The following RAD1 variants were observed in gnomAD, a reference collection of about 807,000 sequenced individuals.
RAD1 encodes the protein RAD1 checkpoint DNA exonuclease.
A neutral mutation model predicts 30.0 loss-of-function variants in RAD1; 21 were observed. That is an observed-to-expected ratio of 0.70 (90% CI 0.50 to 1.01). RAD1 has a LOEUF of 1.01. RAD1 is among the 50% of genes least tolerant of loss of function. RAD1 has a pLI of 0.00. For synonymous variants in RAD1, 109 were observed against 113.6 expected, an observed-to-expected ratio of 0.96 and a Z score of 0.26; for missense variants, 329 against 329.0, an observed-to-expected ratio of 1.00 and a Z score of 0.00.
In RAD1 at chr5:34,913,634, T is replaced by C. The variant is rs574959316; in HGVS notation, c.199-56A>G. ...CATAAAAGAATAAAAACTAATAATATAAGGTCCTAGATTTCACTTTATACG... is the reference window on the plus strand; with the variant it reads ...CATAAAAGAATAAAAACTAATAATACAAGGTCCTAGATTTCACTTTATACG... On this transcript the variant is annotated intron_variant, in intron 2 of 5. Transcript: ENST00000382038. The C allele has an allele frequency of 4.7e-6, 5 of 1,060,324 alleles. No individual in the cohort carries two copies. In the East Asian group the frequency reaches 9.9e-5, roughly 21 times the overall value. The allele number at this position is 1,060,324 out of a possible 1,614,324, so 65.7% of individuals were successfully genotyped here. A position where few individuals can be genotyped will look rare whatever the true frequency, so the allele number is the denominator to read the frequency against.
chr5:34,913,530 G>C lies in RAD1; in HGVS notation c.247C>G (p.Arg83Gly). 2 of 1,604,558 alleles carry C rather than the reference G, an allele frequency of 1.2e-6. No homozygotes were observed. The highest frequency in any genetic ancestry group is 1.7e-6 in the Non-Finnish European group (2 of 1,174,952). Residue 83 changes from arginine to glycine, a missense_variant, in exon 3 of 6, where the codon CGA becomes GGA. By Grantham distance (125) the Arg-to-Gly change is moderately radical (BLOSUM62 -2). Transcript: ENST00000382038. ...TCTAAAAGGACAGTTAAATTAATTC[G>C]AAAAGTAACAGACTCTTCCTGAACT... The part of the protein sequence containing the change: ...FKVQEESVTF[R>G]INLTVLLDCL...
intron 3 of RAD1, among the ~76,000 whole-genome samples, chr5:34,912,307 T>C (rs1472974877): frequency 2.6e-5 from 4 of 152,128 alleles, no homozygotes; most frequent in African/African-American, 7.2e-5. Context: ...AATTTAAAAA[T>C]CAAATTGAGA....
intron 2 of RAD1, 33 bp from the exon 3 acceptor site, chr5:34,913,611 T>C (rs758126293): frequency 2.3e-5 from 30 of 1,328,944 alleles, no homozygotes; most frequent in Admixed American, 6.3e-5. Context: ...AATTGTTACA[T>C]AAAAGAATAA....
intron 2 of RAD1, 104 bp downstream of exon 2, chr5:34,914,591 G>T (rs770682460): frequency 9.6e-7 from 1 of 1,038,372 alleles, no homozygotes; most frequent in Non-Finnish European, 1.4e-6. Context: ...CTATTGACAA[G>T]TTATTATGAC....
intron 4 of RAD1, among the ~76,000 whole-genome samples, chr5:34,910,290 T>G (rs1388405036): frequency 6.6e-6 from 1 of 152,178 alleles, no homozygotes; most frequent in African/African-American, 2.4e-5. Flanking sequence ...CCTGAAATAC[T>G]GTTTTAAGTA....
intron 4 of RAD1, among the ~76,000 whole-genome samples, chr5:34,911,068 C>T (rs1013378991): frequency 6.6e-6 from 1 of 152,174 alleles, no homozygotes; most frequent in African/African-American, 2.4e-5. Context: ...CTTGGCTTCA[C>T]CTTGGTTTTA....
chr5:34,914,785 G>T lies in RAD1; in HGVS notation c.108C>A (p.Phe36Leu). The change falls in exon 2 of 6, where the codon TTC becomes TTA. Residue 36 changes from phenylalanine to leucine, a missense_variant. Transcript: ENST00000382038. Reference sequence around the variant, plus strand: ...TTGCGAAACACGTGGCATGTTCTCGGAAATGAATAGCTTTCAAGATAGTGG... The same window carrying T: ...TTGCGAAACACGTGGCATGTTCTCGTAAATGAATAGCTTTCAAGATAGTGG... ...NLSTILKAIH[F>L]REHATCFATK... is the part of the protein sequence containing the mutation. 1 of 1,614,196 alleles carries T rather than the reference G, an allele frequency of 6.2e-7. No individual in the cohort carries two copies. The highest frequency in any genetic ancestry group is 1.7e-5 in the Admixed American group (1 of 60,032).
Position 34,915,450 on chromosome 5 carries a change from C to G in RAD1, c.-104G>C. On this transcript the variant is annotated 5_prime_UTR_variant, in exon 1 of 6. Coordinates refer to ENST00000382038, the MANE Select transcript of RAD1 (RefSeq NM_002853.4). ...GGGGTCTGGACGCCCGAGAGCCCTT[C>G]TCAGCAAAGTCCCTGAAGAGGAGCG... is the stretch of plus-strand genomic sequence containing the variant. 1 of 348,682 alleles carries G rather than the reference C, an allele frequency of 2.9e-6. No individual in the cohort carries two copies. The highest frequency in any genetic ancestry group is 5.3e-6 in the Non-Finnish European group (1 of 190,012). 21.6% of individuals were successfully genotyped at this position (348,682 alleles called of 1,614,324 possible).
At chr5:34,911,431 G>C in intron 4 of RAD1, 123 bp downstream of exon 4, 3 of 1,162,964 alleles carry the variant, frequency 2.6e-6, no homozygotes, top group Non-Finnish European at 3.7e-6. Context: ...AAGAGTACAA[G>C]CTGTCTAAAG....
Position 34,911,773 on chromosome 5 carries a change from C to T in RAD1, c.347G>A (p.Gly116Asp). The T allele has an allele frequency of 6.2e-7, 1 of 1,614,104 alleles. No individual in the cohort carries two copies. The highest frequency in any genetic ancestry group is 8.5e-7 in the Non-Finnish European group (1 of 1,180,014). Residue 116 changes from glycine to aspartate, a missense_variant, in exon 4 of 6, where the codon GGT (glycine) becomes GAT (aspartate). Transcript: ENST00000382038. ...TTCCAGGAACAGCATCAAAGGGTAA[C>T]CATAACCTTGGTAACACATTCGAAG... ...TALRMCYQGYGYPLMLFLEEG... is the reference protein window; with the variant it reads ...TALRMCYQGYDYPLMLFLEEG...
In RAD1 at chr5:34,905,364, C is replaced by T. The variant is rs1320452022; in HGVS notation, c.*3401G>A. On this transcript the variant is annotated 3_prime_UTR_variant, in exon 6 of 6. Coordinates refer to ENST00000382038, the MANE Select transcript of RAD1 (RefSeq NM_002853.4). ...TCTCTATGTTCTGAAGGACTGCCTA[C>T]CCCACTGTTGAGAGTGCCACATTCT... The T allele has an allele frequency of 6.6e-6, 1 of 152,208 alleles. No individual in the cohort carries two copies. The highest frequency in any genetic ancestry group is 6.5e-5 in the Admixed American group (1 of 15,280). 9.4% of individuals were successfully genotyped at this position (152,208 alleles called of 1,614,324 possible). A position where few individuals can be genotyped will look rare whatever the true frequency, so the allele number is the denominator to read the frequency against.
At chr5:34,911,338 C>T (rs894433779) in intron 4 of RAD1, among the ~76,000 whole-genome samples, 6 of 152,192 alleles carry the variant, frequency 3.9e-5, no homozygotes, top group Admixed American at 6.5e-5. Context: ...GGCTTCTCAT[C>T]TAGATGCCAC....
chr5:34,915,396 C>A lies in RAD1; in HGVS notation c.-70+20G>T, dbSNP rs1477184090. ...AGCATCGCTTACTAGTCTCGGGGTC[C>A]CCGAGTGCGGAAACCCTACCTTTGC... is the stretch of plus-strand genomic sequence containing the variant. On this transcript the variant is annotated intron_variant, in intron 1 of 5. Transcript: ENST00000382038. 9 of 255,956 alleles carry A rather than the reference C, an allele frequency of 3.5e-5. No individual in the cohort carries two copies. The highest frequency in any genetic ancestry group is 3.0e-5 in the Non-Finnish European group (4 of 132,300). 15.9% of individuals were successfully genotyped at this position (255,956 alleles called of 1,614,324 possible).
Position 34,906,056 on chromosome 5 carries a change from G to A in RAD1, c.*2709C>T, listed in dbSNP as rs532557799. On this transcript the variant is annotated 3_prime_UTR_variant, in exon 6 of 6. Transcript: ENST00000382038. ...TGCAACCCCCGCCTTCCAGTTTCAA[G>A]TGATTCTCTTGCCTCAGCCTCTCAA... 2 of 152,188 alleles carry A rather than the reference G, an allele frequency of 1.3e-5. No homozygotes were observed. The highest frequency in any genetic ancestry group is 1.9e-4 in the East Asian group (1 of 5,142). 9.4% of individuals were successfully genotyped at this position (152,188 alleles called of 1,614,324 possible).
intron 4 of RAD1, 83 bp from the exon 5 acceptor site, chr5:34,909,439 GA>G (rs1763760482): frequency 2.1e-6 from 2 of 930,586 alleles, no homozygotes; most frequent in African/African-American, 3.3e-5. Context: ...ACTTCCTTAA[GA>G]AATTCATACT....
chr5:34,914,082 G>A (rs948650345), intron 2 of RAD1: 3 of 434,730 alleles, frequency 6.9e-6, no homozygotes, highest in Non-Finnish European at 1.4e-5. Context: ...AGATCATGCT[G>A]TGCACTTACG....
At chr5:34,909,833 A>T (rs540450449) in intron 4 of RAD1, among the ~76,000 whole-genome samples, 1 of 152,328 alleles carries the variant, frequency 6.6e-6, no homozygotes, top group South Asian at 2.1e-4. Context: ...TAGACAATTT[A>T]TAAGTGTTAA....
chr5:34,914,559 T>C (rs1763976609), intron 2 of RAD1, 136 bp downstream of exon 2: 2 of 783,606 alleles, frequency 2.6e-6, no homozygotes, highest in South Asian at 1.9e-5. Context: ...CTATTATTTA[T>C]TTATTAAGTT....
chr5:34,914,841 C>G lies in RAD1; in HGVS notation c.52G>C (p.Val18Leu). 7 of 1,614,170 alleles carry G rather than the reference C, an allele frequency of 4.3e-6. No homozygotes were observed. The highest frequency in any genetic ancestry group is 5.9e-6 in the Non-Finnish European group (7 of 1,180,050). The change falls in exon 2 of 6, where the codon GTG (valine) becomes CTG (leucine). Residue 18 changes from valine to leucine, a missense_variant. By Grantham distance (32) the Val-to-Leu change is conservative. Transcript: ENST00000382038. ...IQDEDDQYSL[V>L]ASLDNVRNLS... Reference sequence around the variant, plus strand: ...TTCCTAACGTTGTCAAGGCTGGCCACAAGGCTGTACTGATCATCCTCGTCT... The same window carrying G: ...TTCCTAACGTTGTCAAGGCTGGCCAGAAGGCTGTACTGATCATCCTCGTCT...
Sources: allele counts gnomAD v4.1 joint callset (sites outside exome capture counted in the v4.1 genomes callset), GRCh38; gene constraint gnomAD v4.1.1; transcripts MANE v1.5; gene names NCBI Gene and HGNC (gene_info 2026-07-23, HGNC 2026-07-21).